TGFBR3: variants seen among roughly 807,000 people sequenced by gnomAD.
TGFBR3 encodes the protein transforming growth factor beta receptor type 3.
In TGFBR3, 46 loss-of-function variants were observed where a neutral mutation model predicts 87.9. That is an observed-to-expected ratio of 0.52 (90% CI 0.41 to 0.67). The LOEUF (loss-of-function observed/expected upper bound fraction) is 0.67. Ranked by LOEUF, TGFBR3 falls within the 30% of genes least tolerant of loss-of-function variation. TGFBR3 has a pLI of 0.00. For synonymous variants in TGFBR3, 381 were observed against 391.6 expected, an observed-to-expected ratio of 0.97 and a Z score of 0.32; for missense variants, 866 against 1,041.9, an observed-to-expected ratio of 0.83 and a Z score of 2.32.
At chr1:91,829,404 A>AAAT (rs1676772621) in intron 2 of TGFBR3, among the ~76,000 whole-genome samples, 1 of 151,848 alleles carries the variant, frequency 6.6e-6, no homozygotes, top group African/African-American at 2.4e-5. Context: ...ACAAAAAAAA[A>AAAT]AAAACAAGGC....
intron 16 of TGFBR3, among the ~76,000 whole-genome samples, chr1:91,690,876 T>C (rs1250777765): frequency 1.3e-5 from 2 of 152,154 alleles, no homozygotes; most frequent in African/African-American, 4.8e-5. Flanking sequence ...TCACAATCAA[T>C]ACATCCCACC....
At chr1:91,727,418 G>A (rs992890091) in intron 7 of TGFBR3, among the ~76,000 whole-genome samples, 26 of 152,120 alleles carry the variant, frequency 1.7e-4, no homozygotes, top group African/African-American at 6.0e-4. Context: ...AGAGGTTAGG[G>A]GACTTGCCAA....
At chr1:91,854,961 T>C (rs17881663) in intron 2 of TGFBR3, among the ~76,000 whole-genome samples, 128 of 152,324 alleles carry the variant, frequency 8.4e-4, no homozygotes, top group African/African-American at 3.0e-3. Context: ...TATAAAAACA[T>C]TTTTAAGATT....
At chr1:91,785,079 A>G (rs1473823427) in intron 3 of TGFBR3, among the ~76,000 whole-genome samples, 1 of 152,264 alleles carries the variant, frequency 6.6e-6, no homozygotes, top group Non-Finnish European at 1.5e-5. Context: ...CTTTAAAAAC[A>G]GGCATCGGAC....
At chr1:91,732,022 C>A (rs1015349574) in intron 5 of TGFBR3, among the ~76,000 whole-genome samples, 1 of 152,146 alleles carries the variant, frequency 6.6e-6, no homozygotes, top group Non-Finnish European at 1.5e-5. Context: ...AGAAAGGAAA[C>A]CACAAAGGGG....
intron 14 of TGFBR3, among the ~76,000 whole-genome samples, chr1:91,698,486 CT>C (rs1366893592): frequency 6.8e-6 from 1 of 148,140 alleles, no homozygotes; most frequent in Non-Finnish European, 1.5e-5. Flanking sequence ...CCAGTGTAGT[CT>C]AATATTATTC....
chr1:91,783,307 T>G (rs1674841081), intron 3 of TGFBR3: 1 of 152,144 alleles, frequency 6.6e-6, no homozygotes. Context: ...TACAAAGCAT[T>G]ATTGTAGGGT....
At chr1:91,897,255 T>C (rs984115452) in intron 2 of TGFBR3, among the ~76,000 whole-genome samples, 4 of 152,150 alleles carry the variant, frequency 2.6e-5, no homozygotes, top group Admixed American at 1.3e-4. Context: ...CAGGCAGCAT[T>C]TGGGTATTTA....
chr1:91,838,894 T>C (rs901657279), intron 2 of TGFBR3, among the ~76,000 whole-genome samples: 8 of 152,240 alleles, frequency 5.3e-5, no homozygotes, highest in African/African-American at 1.4e-4. Context: ...CAATACATTG[T>C]TCTGGTTGAA....
At chr1:91,786,427 A>C (rs1674962481) in intron 3 of TGFBR3, among the ~76,000 whole-genome samples, 1 of 152,116 alleles carries the variant, frequency 6.6e-6, no homozygotes, top group African/African-American at 2.4e-5. Context: ...TGTCAATAAA[A>C]TGTGGTGATT....
At chr1:91,758,467 T>G in intron 4 of TGFBR3, 146 bp downstream of exon 4, 1 of 974,632 alleles carries the variant, frequency 1.0e-6, no homozygotes, top group Non-Finnish European at 1.6e-6. Flanking sequence ...CATCCAAATA[T>G]CACTAAGTGC....
chr1:91,903,338 C>CAGAAAAA (rs753278622), intron 1 of TGFBR3, among the ~76,000 whole-genome samples: 1 of 50,486 alleles, frequency 2.0e-5, no homozygotes, highest in African/African-American at 6.9e-5. Flanking sequence ...GATTCTGCCT[C>CAGAAAAA]AAAAAAAAAA....
At chr1:91,685,187 T>C (rs1488232156) in intron 16 of TGFBR3, among the ~76,000 whole-genome samples, 1 of 152,178 alleles carries the variant, frequency 6.6e-6, no homozygotes, top group Non-Finnish European at 1.5e-5. Flanking sequence ...TGCATCAACC[T>C]CAAAGTATTT....
At chr1:91,805,702 T>TTG (rs966327231) in intron 2 of TGFBR3, among the ~76,000 whole-genome samples, 1 of 152,196 alleles carries the variant, frequency 6.6e-6, no homozygotes, top group Non-Finnish European at 1.5e-5. Flanking sequence ...GGCCGCTGCC[T>TTG]TGTGTGAGAA....
At chr1:91,832,149 C>T (rs1357013447) in intron 2 of TGFBR3, among the ~76,000 whole-genome samples, 1 of 152,170 alleles carries the variant, frequency 6.6e-6, no homozygotes, top group Non-Finnish European at 1.5e-5. Flanking sequence ...ATGTCATGTT[C>T]TAACTAGTCA....
chr1:91,810,631 A>G (rs1286319468), intron 2 of TGFBR3, among the ~76,000 whole-genome samples: 1 of 152,144 alleles, frequency 6.6e-6, no homozygotes, highest in Non-Finnish European at 1.5e-5. Context: ...CCAAACAACC[A>G]AACTCCCAAG....
rs1430585393 is a variant in TGFBR3, at chr1:91,838,619, C to T, written c.61+22852G>A. On this transcript the variant is annotated intron_variant, in intron 2 of 16. Coordinates refer to ENST00000212355, the MANE Select transcript of TGFBR3 (RefSeq NM_003243.5). ...GACTACAGGCACCCGTCATCACACCCGACTAATTTTTTTTTTTTTTTTGTA... is the reference window on the plus strand; with the variant it reads ...GACTACAGGCACCCGTCATCACACCTGACTAATTTTTTTTTTTTTTTTGTA... Among the ~76,000 whole-genome samples, 6 of 143,400 alleles carry T rather than the reference C, an allele frequency of 4.2e-5. No individual in the cohort carries two copies. In the South Asian group the frequency reaches 6.9e-4, roughly 17 times the overall value. The allele number at this position is 143,400 out of a possible 152,430, so 94.1% of individuals were successfully genotyped here.
chr1:91,801,083 CAAAAAAA>C, intron 2 of TGFBR3: 3 of 138,810 alleles, frequency 2.2e-5, no homozygotes, highest in South Asian at 1.3e-4. Flanking sequence ...AACTCTGTCT[CAAAAAAA>C]AAAAAAAAAA....
chr1:91,776,904 G>C (rs1674585914), intron 3 of TGFBR3, among the ~76,000 whole-genome samples: 3 of 152,138 alleles, frequency 2.0e-5, no homozygotes. Flanking sequence ...GACAAGCTCA[G>C]GTTTTGCTCC....
Sources: gnomAD v4.1 joint callset for allele counts (sites outside exome capture counted in the v4.1 genomes callset) on GRCh38, gnomAD v4.1.1 for gene constraint, MANE v1.5 for transcripts, NCBI Gene and HGNC (gene_info 2026-07-23, HGNC 2026-07-21) for gene names.